Variants in STAU2 observed in about 807,000 individuals in gnomAD.
The protein encoded by STAU2 is staufen double-stranded RNA binding protein 2.
A neutral mutation model predicts 65.9 loss-of-function variants in STAU2; 20 were observed. The ratio of observed to expected loss-of-function variants is 0.30; its 90% CI spans 0.21 to 0.44. STAU2 has a LOEUF of 0.44. STAU2 is among the 20% of genes least tolerant of loss of function. The pLI is 1.00. For synonymous variants in STAU2, 232 were observed against 233.9 expected (o/e 0.99, Z 0.07); for missense variants, 558 against 683.9 (o/e 0.82, Z 2.05).
intron 3 of STAU2, among the ~76,000 whole-genome samples, chr8:73,733,207 A>G (rs1806193145): frequency 6.6e-6 from 1 of 151,914 alleles, no homozygotes; most frequent in Admixed American, 6.6e-5. Context: ...ATCAAACCTC[A>G]CTAAAAAGAA....
chr8:73,633,927 G>A (rs532056608), intron 6 of STAU2, among the ~76,000 whole-genome samples: 3 of 152,074 alleles, frequency 2.0e-5, no homozygotes, highest in South Asian at 2.1e-4. Context: ...GCAGTGAGCC[G>A]AGATCATGCC....
intron 13 of STAU2, among the ~76,000 whole-genome samples, chr8:73,463,657 A>G (rs75920884): frequency 0.01 from 1,535 of 152,354 alleles, 32 homozygotes; most frequent in African/African-American, 0.035. Flanking sequence ...TCAGAAAAAG[A>G]AATCAAGGTA....
At chr8:73,681,821 T>C (rs1254226514) in intron 5 of STAU2, among the ~76,000 whole-genome samples, 1 of 151,842 alleles carries the variant, frequency 6.6e-6, no homozygotes, top group African/African-American at 2.4e-5. Context: ...CCAGCAGGAG[T>C]AGCTATTCTT....
chr8:73,711,716 C>G (rs1337904749), intron 3 of STAU2, among the ~76,000 whole-genome samples: 1 of 152,000 alleles, frequency 6.6e-6, no homozygotes, highest in Non-Finnish European at 1.5e-5. Context: ...TAACAAATAA[C>G]ATGGTATAAA....
At chr8:73,494,139 A>G (rs1305787601) in intron 13 of STAU2, among the ~76,000 whole-genome samples, 3 of 151,742 alleles carry the variant, frequency 2.0e-5, no homozygotes, top group African/African-American at 7.2e-5. Flanking sequence ...GTCAAGTGGT[A>G]CACTTAAGAT....
chr8:73,735,514 A>C (rs1208860172), intron 3 of STAU2, among the ~76,000 whole-genome samples: 1 of 152,196 alleles, frequency 6.6e-6, no homozygotes, highest in African/African-American at 2.4e-5. Context: ...TTTTGTACCA[A>C]CATAATGCTC....
chr8:73,646,103 AT>A (rs1295590701), intron 6 of STAU2, among the ~76,000 whole-genome samples: 1 of 152,212 alleles, frequency 6.6e-6, no homozygotes, highest in African/African-American at 2.4e-5. Flanking sequence ...AAAGAAACAT[AT>A]TTTTAATTAC....
At chr8:73,436,082 G>A (rs1266081522) in intron 13 of STAU2, among the ~76,000 whole-genome samples, 1 of 151,966 alleles carries the variant, frequency 6.6e-6, no homozygotes, top group Non-Finnish European at 1.5e-5. Flanking sequence ...ATTTTGGTTT[G>A]AGTAAGCAAT....
intron 12 of STAU2, among the ~76,000 whole-genome samples, chr8:73,579,704 A>G (rs573801329): frequency 1.2e-4 from 18 of 152,316 alleles, no homozygotes; most frequent in African/African-American, 3.8e-4. Context: ...ATTCTTCAAC[A>G]TAACTATTAC....
At chr8:73,617,855 CGATTAGAAATATA>C (rs1812947026) in intron 6 of STAU2, among the ~76,000 whole-genome samples, 1 of 151,956 alleles carries the variant, frequency 6.6e-6, no homozygotes, top group Non-Finnish European at 1.5e-5. Flanking sequence ...AAGATAATTA[CGATTAGAAATATA>C]GATTAGAAAT....
chr8:73,622,740 GAAAC>G (rs1404170969), intron 6 of STAU2, among the ~76,000 whole-genome samples: 5 of 152,298 alleles, frequency 3.3e-5, no homozygotes, highest in South Asian at 4.1e-4. Context: ...AATGGCTGCT[GAAAC>G]AAACAGACAA....
intron 4 of STAU2, among the ~76,000 whole-genome samples, chr8:73,689,369 T>A (rs533425743): frequency 9.2e-5 from 14 of 152,364 alleles, no homozygotes; most frequent in African/African-American, 3.1e-4. Flanking sequence ...TTCCTCTCTC[T>A]GCCAACTGGA....
chr8:73,479,070 C>G (rs2383908), intron 13 of STAU2, among the ~76,000 whole-genome samples: 1 of 151,836 alleles, frequency 6.6e-6, no homozygotes, highest in Non-Finnish European at 1.5e-5. Context: ...ATGGCCAATT[C>G]TGTTTCATCT....
chr8:73,708,422 G>T (rs1342611850), intron 4 of STAU2, among the ~76,000 whole-genome samples: 1 of 152,102 alleles, frequency 6.6e-6, no homozygotes, highest in Non-Finnish European at 1.5e-5. Flanking sequence ...TGCATTAGTT[G>T]TAGATTTGTA....
At chr8:73,423,351 C>T (rs1292247057) in intron 13 of STAU2, among the ~76,000 whole-genome samples, 2 of 152,200 alleles carry the variant, frequency 1.3e-5, no homozygotes, top group African/African-American at 2.4e-5. Flanking sequence ...CTGGTGGAGC[C>T]TTGCTGTATA....
intron 13 of STAU2, chr8:73,550,104 AG>A (rs1178198493): frequency 1.2e-4 from 114 of 985,310 alleles, no homozygotes; most frequent in Non-Finnish European, 1.3e-4. Context: ...CATCAATGAC[AG>A]AGTATTTTAC....
intron 6 of STAU2, among the ~76,000 whole-genome samples, chr8:73,664,911 G>A (rs1337645977): frequency 2.0e-5 from 3 of 152,038 alleles, no homozygotes; most frequent in Admixed American, 6.6e-5. Flanking sequence ...AGAATCGCTC[G>A]AACCTGGGAA....
intron 13 of STAU2, among the ~76,000 whole-genome samples, chr8:73,514,759 A>T (rs1263244626): frequency 3.3e-5 from 5 of 152,120 alleles, no homozygotes; most frequent in Non-Finnish European, 7.4e-5. Flanking sequence ...TTGTTTCTGT[A>T]TATGTTTTAT....
chr8:73,691,147 C>T (rs1367091393), intron 4 of STAU2, among the ~76,000 whole-genome samples: 2 of 152,124 alleles, frequency 1.3e-5, no homozygotes, highest in Non-Finnish European at 2.9e-5. Context: ...AAACAACAAT[C>T]ACATAAATCT....
Sources: allele counts gnomAD v4.1 joint callset (sites outside exome capture counted in the v4.1 genomes callset), GRCh38; gene constraint gnomAD v4.1.1; transcripts MANE v1.5; gene names NCBI Gene and HGNC (gene_info 2026-07-23, HGNC 2026-07-21).